RXFP1: variants seen among roughly 807,000 people sequenced by gnomAD.
RXFP1 encodes the protein relaxin receptor 1.
In RXFP1, 73 loss-of-function variants were observed where a neutral mutation model predicts 89.8. The ratio of observed to expected loss-of-function variants is 0.81; its 90% CI spans 0.67 to 0.99. The LOEUF is 0.99. Among genes scored for constraint, RXFP1 ranks in the 50% least tolerant of loss-of-function variants. RXFP1 has a pLI of 0.00. For synonymous variants in RXFP1, 277 were observed against 305.5 expected, an observed-to-expected ratio of 0.91 and a Z score of 0.97; for missense variants, 793 against 895.5, an observed-to-expected ratio of 0.89 and a Z score of 1.46.
chr4:158,594,349 C>T (rs1579910716), intron 3 of RXFP1, among the ~76,000 whole-genome samples: 2 of 152,316 alleles, frequency 1.3e-5, no homozygotes, highest in South Asian at 4.1e-4. Context: ...CAGCCCTACC[C>T]TCATTACTCT....
chr4:158,629,745 A>G (rs1217876761), intron 11 of RXFP1, among the ~76,000 whole-genome samples: 1 of 151,886 alleles, frequency 6.6e-6, no homozygotes, highest in Non-Finnish European at 1.5e-5. Flanking sequence ...CTCCCACCTC[A>G]GCCTCCTGTG....
intron 6 of RXFP1, 129 bp downstream of exon 6, chr4:158,608,172 A>T (rs762079210): frequency 3.5e-6 from 2 of 570,460 alleles, no homozygotes; most frequent in Non-Finnish European, 6.2e-6. Context: ...AAGGGGCAGT[A>T]GAGCACCGTG....
At chr4:158,558,902 A>T (rs1290265030) in intron 1 of RXFP1, among the ~76,000 whole-genome samples, 1 of 152,216 alleles carries the variant, frequency 6.6e-6, no homozygotes, top group African/African-American at 2.4e-5. Flanking sequence ...AATACAACCA[A>T]ATATGAACAC....
intron 6 of RXFP1, among the ~76,000 whole-genome samples, chr4:158,610,420 AGTTATACCTTAGC>A (rs1763358078): frequency 6.6e-6 from 1 of 152,184 alleles, no homozygotes; most frequent in African/African-American, 2.4e-5. Flanking sequence ...CCCTTTAAGT[AGTTATACCTTAGC>A]GTTTCAGGTA....
At chr4:158,629,719 T>A (rs555220673) in intron 11 of RXFP1, among the ~76,000 whole-genome samples, 40 of 152,110 alleles carry the variant, frequency 2.6e-4, no homozygotes, top group African/African-American at 9.2e-4. Flanking sequence ...CTCGAACTCC[T>A]TGGACTCAAG....
At chr4:158,566,567 G>A (rs374658841) in intron 1 of RXFP1, among the ~76,000 whole-genome samples, 3 of 152,032 alleles carry the variant, frequency 2.0e-5, no homozygotes, top group Non-Finnish European at 4.4e-5. Context: ...GTTTCACCAC[G>A]TTGGCCAGGC....
chr4:158,593,495 A>ATG lies in RXFP1; in HGVS notation c.284_285dup (p.Leu96ValfsTer34). On this transcript the variant is annotated frameshift_variant, in exon 3 of 18. Transcript: ENST00000307765. LOFTEE classifies it high-confidence loss of function. Reference sequence around the variant, plus strand: ...ATCCTTTTGAGGCAGAAACACCTGAATGTTGTAAGTAATCAGAGCAGTTAT... The same window carrying ATG: ...ATCCTTTTGAGGCAGAAACACCTGAATGTGTTGTAAGTAATCAGAGCAGTTAT... 1 of 1,576,200 alleles carries ATG rather than the reference A, an allele frequency of 6.3e-7. No individual in the cohort carries two copies. Among genetic ancestry groups the ATG allele is most frequent in the Non-Finnish European group, 8.7e-7 (1 of 1,147,526 alleles).
chr4:158,644,260 A>G (rs1771059941), intron 14 of RXFP1, among the ~76,000 whole-genome samples: 1 of 151,830 alleles, frequency 6.6e-6, no homozygotes, highest in South Asian at 2.1e-4. Context: ...ATTAGCCAAG[A>G]TGGTCTCAAT....
At chr4:158,573,284 A>G (rs1012866166) in intron 2 of RXFP1, among the ~76,000 whole-genome samples, 1 of 152,200 alleles carries the variant, frequency 6.6e-6, no homozygotes, top group Non-Finnish European at 1.5e-5. Flanking sequence ...CCGGGATTAC[A>G]GGCATGAGCC....
rs189875799 is a variant in RXFP1 at position 158,573,604 on chromosome 4, C to T, written c.187+769C>T. 2.0e-5 allele frequency among the ~76,000 whole-genome samples: 3 copies of T among 152,210 alleles called. No individual in the cohort carries two copies. In the East Asian group the frequency reaches 5.8e-4, roughly 29 times the overall value. On this transcript the variant is annotated intron_variant, in intron 2 of 17. Coordinates refer to ENST00000307765, the MANE Select transcript of RXFP1 (RefSeq NM_021634.4). ...TCCAGGGAAGCCCAAAGACTGGACA[C>T]CCTTGTTTTAACCCAACAAACCTGC...
At chr4:158,595,281 T>G (rs1197694446) in intron 3 of RXFP1, among the ~76,000 whole-genome samples, 1 of 152,234 alleles carries the variant, frequency 6.6e-6, no homozygotes, top group African/African-American at 2.4e-5. Flanking sequence ...AAAACAGTCA[T>G]GAATGAGCAA....
intron 9 of RXFP1, among the ~76,000 whole-genome samples, chr4:158,623,586 A>T (rs1374506750): frequency 6.6e-6 from 1 of 151,892 alleles, no homozygotes; most frequent in Non-Finnish European, 1.5e-5. Flanking sequence ...AATAAATAAC[A>T]TAATTAGTAA....
At chr4:158,585,366 C>T (rs559192572) in intron 2 of RXFP1, among the ~76,000 whole-genome samples, 2 of 152,264 alleles carry the variant, frequency 1.3e-5, no homozygotes, top group African/African-American at 4.8e-5. Context: ...TGATAAAGCA[C>T]TGTGACAAGT....
chr4:158,557,379 T>C (rs1751534568), intron 1 of RXFP1, among the ~76,000 whole-genome samples: 1 of 152,218 alleles, frequency 6.6e-6, no homozygotes, highest in South Asian at 2.1e-4. Context: ...ATAAATTCCT[T>C]AAAGTATCAG....
rs559289605 is a variant in RXFP1 at position 158,592,292 on chromosome 4, G to A, written c.188-1109G>A. Among the ~76,000 whole-genome samples the A allele has an allele frequency of 3.8e-4, 58 of 152,222 alleles. No homozygotes were observed. The Middle Eastern group carries it at 0.014, about 36-fold the overall frequency. On this transcript the variant is annotated intron_variant, in intron 2 of 17. Transcript: ENST00000307765. ...TTTCTTTCTTTCTTAAAAGTTAATCGGCCAGGCATGGTGGCTTACACCTGT... is the reference window on the plus strand; with the variant it reads ...TTTCTTTCTTTCTTAAAAGTTAATCAGCCAGGCATGGTGGCTTACACCTGT...
chr4:158,588,234 C>T (rs1208261663), intron 2 of RXFP1, among the ~76,000 whole-genome samples: 1 of 152,022 alleles, frequency 6.6e-6, no homozygotes, highest in African/African-American at 2.4e-5. Context: ...GCTTTTTCAC[C>T]CTCATGAGAT....
intron 2 of RXFP1, among the ~76,000 whole-genome samples, chr4:158,590,261 T>C (rs1220037399): frequency 6.6e-6 from 1 of 152,022 alleles, no homozygotes; most frequent in African/African-American, 2.4e-5. Context: ...GCCCCACAAG[T>C]TCAAGCGATT....
In RXFP1 at chr4:158,545,292, G is replaced by T. The variant is rs1229035289; in HGVS notation, c.49+23267G>T. Among the ~76,000 whole-genome samples, 25 of 152,004 alleles carry T rather than the reference G, an allele frequency of 1.6e-4. No homozygotes were observed. The South Asian group carries it at 3.1e-3, about 19-fold the overall frequency. ...ATATCCTTCGCCCACTTTTTGATGGGGTTGTTTGTTTTTTTCTTGTAAATT... is the reference window on the plus strand; with the variant it reads ...ATATCCTTCGCCCACTTTTTGATGGTGTTGTTTGTTTTTTTCTTGTAAATT... On this transcript the variant is annotated intron_variant, in intron 1 of 17. Coordinates refer to ENST00000307765, the MANE Select transcript of RXFP1 (RefSeq NM_021634.4).
chr4:158,592,306 G>T (rs528239540), intron 2 of RXFP1, among the ~76,000 whole-genome samples: 1 of 152,326 alleles, frequency 6.6e-6, no homozygotes, highest in South Asian at 2.1e-4. Flanking sequence ...AGGCATGGTG[G>T]CTTACACCTG....
Sources: gnomAD v4.1 joint callset for allele counts (sites outside exome capture counted in the v4.1 genomes callset) on GRCh38, gnomAD v4.1.1 for gene constraint, MANE v1.5 for transcripts, NCBI Gene and HGNC (gene_info 2026-07-23, HGNC 2026-07-21) for gene names.